RARB: variants seen among roughly 807,000 people sequenced by gnomAD.
RARB encodes HBV-activated protein.
A neutral mutation model predicts 51.9 loss-of-function variants in RARB; 17 were observed. The observed-to-expected ratio is 0.33, with a 90% CI of 0.22 to 0.49. The LOEUF is 0.49. RARB is among the 20% of genes least tolerant of loss of function. RARB has a pLI of 0.99. For missense variants in RARB, 369 were observed against 550.8 expected, an observed-to-expected ratio of 0.67 and a Z score of 3.30; for synonymous variants, 215 against 195.4, an observed-to-expected ratio of 1.10 and a Z score of -0.84.
chr3:25,407,257 G>T (rs927383844), intron 5 of RARB, among the ~76,000 whole-genome samples: 4 of 152,110 alleles, frequency 2.6e-5, no homozygotes, highest in Non-Finnish European at 5.9e-5. Context: ...AACAGACGGG[G>T]GTACTAGGCA....
intron 5 of RARB, among the ~76,000 whole-genome samples, chr3:25,238,614 C>T (rs1435255273): frequency 5.3e-5 from 8 of 152,198 alleles, no homozygotes; most frequent in African/African-American, 1.7e-4. Flanking sequence ...CACTACTTTA[C>T]ATCCCCACCA....
At chr3:25,104,330 C>T (rs184502324) in intron 3 of RARB, among the ~76,000 whole-genome samples, 1 of 152,218 alleles carries the variant, frequency 6.6e-6, no homozygotes, top group East Asian at 1.9e-4. Context: ...ACTGAACATG[C>T]ACTCATCTTA....
At chr3:24,980,202 T>A (rs1696612863) in intron 2 of RARB, among the ~76,000 whole-genome samples, 1 of 152,136 alleles carries the variant, frequency 6.6e-6, no homozygotes, top group African/African-American at 2.4e-5. Context: ...GCCCTTAACA[T>A]TTTTTTCCTT....
intron 5 of RARB, among the ~76,000 whole-genome samples, chr3:25,199,095 G>A (rs565377322): frequency 3.1e-4 from 47 of 152,166 alleles, no homozygotes; most frequent in Non-Finnish European, 5.6e-4. Flanking sequence ...TATACACAAT[G>A]GAGTACTACT....
intron 2 of RARB, among the ~76,000 whole-genome samples, chr3:25,473,376 G>T (rs945653740): frequency 6.6e-6 from 1 of 152,084 alleles, no homozygotes; most frequent in Non-Finnish European, 1.5e-5. Flanking sequence ...ATTGTCTGGG[G>T]TGAAGGGGAA....
chr3:25,231,592 T>G (rs998490343), intron 5 of RARB, among the ~76,000 whole-genome samples: 6 of 152,160 alleles, frequency 3.9e-5, no homozygotes, highest in Non-Finnish European at 7.4e-5. Context: ...TACCAACATT[T>G]GGTAATGACT....
intron 4 of RARB, among the ~76,000 whole-genome samples, chr3:25,163,501 C>CAAAAAAAAAAAAAAA (rs1385452358): frequency 1.8e-4 from 14 of 78,686 alleles, no homozygotes; most frequent in African/African-American, 6.8e-4. Context: ...GACCCTATCT[C>CAAAAAAAAAAAAAAA]AAAATATATA....
chr3:25,534,560 T>G (rs1490722876), intron 3 of RARB, among the ~76,000 whole-genome samples: 1 of 152,176 alleles, frequency 6.6e-6, no homozygotes, highest in Non-Finnish European at 1.5e-5. Context: ...GTGTAACAGG[T>G]TCCCTTATCA....
At chr3:25,461,043 G>A in intron 1 of RARB, 150 bp from the exon 2 acceptor site, 1 of 850,910 alleles carries the variant, frequency 1.2e-6, no homozygotes, top group Non-Finnish European at 1.7e-6. Flanking sequence ...CACCACTGCT[G>A]GGCCTACAAT....
chr3:25,148,769 A>G (rs2125340493), intron 4 of RARB, among the ~76,000 whole-genome samples: 1 of 152,338 alleles, frequency 6.6e-6, no homozygotes, highest in South Asian at 2.1e-4. Context: ...AAATATATCT[A>G]TCACAGAGCC....
At chr3:25,030,019 C>T (rs1697835315) in intron 2 of RARB, among the ~76,000 whole-genome samples, 1 of 152,166 alleles carries the variant, frequency 6.6e-6, no homozygotes, top group Non-Finnish European at 1.5e-5. Context: ...CGTTGGAAAG[C>T]CCTTTATTCC....
intron 3 of RARB, among the ~76,000 whole-genome samples, chr3:25,541,955 T>C (rs1699401633): frequency 6.6e-6 from 1 of 152,170 alleles, no homozygotes; most frequent in Admixed American, 6.5e-5. Flanking sequence ...CTCAATCATG[T>C]TTGTTAAATA....
chr3:24,855,605 C>A (rs1042764993), intron 1 of RARB, among the ~76,000 whole-genome samples: 1 of 152,072 alleles, frequency 6.6e-6, no homozygotes, highest in African/African-American at 2.4e-5. Flanking sequence ...AAACTTCCAG[C>A]ACTTAGCACA....
At chr3:24,925,654 T>TA (rs1271473851) in intron 2 of RARB, among the ~76,000 whole-genome samples, 10,001 of 125,282 alleles carry the variant, frequency 0.08, 418 homozygotes, top group African/African-American at 0.19. Context: ...TTTTTTTTTT[T>TA]TAAAAAAAAA....
intron 5 of RARB, chr3:25,174,660 C>A: frequency 3.3e-6 from 4 of 1,203,684 alleles, no homozygotes; most frequent in Non-Finnish European, 3.3e-6. Context: ...GTATCCAGGG[C>A]AATTTCTTAT....
chr3:25,223,550 T>G (rs77977991), intron 5 of RARB, among the ~76,000 whole-genome samples: 1,839 of 152,312 alleles, frequency 0.012, 34 homozygotes, highest in African/African-American at 0.042. Flanking sequence ...CCATGCTCTC[T>G]AGCTTCCCAT....
chr3:25,236,583 AAGG>A (rs1347002144), intron 5 of RARB, among the ~76,000 whole-genome samples: 1 of 152,116 alleles, frequency 6.6e-6, no homozygotes, highest in African/African-American at 2.4e-5. Flanking sequence ...GAGGAAAGAA[AAGG>A]AGCATCTTTT....
chr3:25,409,096 G>A (rs965794384), intron 5 of RARB, among the ~76,000 whole-genome samples: 1 of 152,162 alleles, frequency 6.6e-6, no homozygotes, highest in Non-Finnish European at 1.5e-5. Flanking sequence ...AAGTATGACA[G>A]TGCCAACGCA....
At chr3:24,926,139 A>T (rs1246468518) in intron 2 of RARB, among the ~76,000 whole-genome samples, 1 of 152,088 alleles carries the variant, frequency 6.6e-6, no homozygotes, top group East Asian at 1.9e-4. Context: ...GATTTATAGG[A>T]TCCTAATGCG....
Sources: gnomAD v4.1 joint callset for allele counts (sites outside exome capture counted in the v4.1 genomes callset) on GRCh38, gnomAD v4.1.1 for gene constraint, MANE v1.5 for transcripts, NCBI Gene and HGNC (gene_info 2026-07-23, HGNC 2026-07-21) for gene names.